Variants in HP1BP3 observed in about 807,000 individuals in gnomAD.
The protein encoded by HP1BP3 is heterochromatin protein 1-binding protein 3.
A neutral mutation model predicts 62.5 loss-of-function variants in HP1BP3; 12 were observed. The observed-to-expected ratio is 0.19, with a 90% CI of 0.12 to 0.31. The LOEUF (loss-of-function observed/expected upper bound fraction) is 0.31. Ranked by LOEUF, HP1BP3 falls within the 10% of genes least tolerant of loss-of-function variation. The pLI, the probability that HP1BP3 is intolerant of heterozygous loss-of-function variation, is 1.00. For synonymous variants in HP1BP3, 260 were observed against 237.8 expected, an observed-to-expected ratio of 1.09 and a Z score of -0.86; for missense variants, 502 against 651.8, an observed-to-expected ratio of 0.77 and a Z score of 2.50.
intron 11 of HP1BP3, 84 bp from the exon 12 acceptor site, chr1:20,745,740 A>G: frequency 7.1e-7 from 1 of 1,399,148 alleles, no homozygotes. Flanking sequence ...TTACCTGGAC[A>G]TATCCCACTT....
intron 2 of HP1BP3, 28 bp downstream of exon 2, chr1:20,780,317 T>G: frequency 8.4e-5 from 128 of 1,518,632 alleles, no homozygotes; most frequent in Middle Eastern, 1.7e-4. Flanking sequence ...GATCCAAGAG[T>G]GAGCTTCAAG....
At chr1:20,765,991 C>T (rs1347329306) in intron 7 of HP1BP3, among the ~76,000 whole-genome samples, 1 of 147,574 alleles carries the variant, frequency 6.8e-6, no homozygotes, top group Non-Finnish European at 1.5e-5. Context: ...AAAAAAAACA[C>T]AACAAAACAA....
In HP1BP3 at chr1:20,780,488, G is replaced by T; in HGVS notation, c.-48C>A. The T allele has an allele frequency of 7.6e-7, 1 of 1,314,364 alleles. No homozygotes were observed. Among genetic ancestry groups the T allele is most frequent in the Non-Finnish European group, 1.1e-6 (1 of 907,910 alleles). The allele number at this position is 1,314,364 out of a possible 1,614,324, so 81.4% of individuals were successfully genotyped here. ...GTACAGGTTACACTCTGAAGCCTCT[G>T]CTGTTAACCACAAGGATTTTTCCTA... On this transcript the variant is annotated 5_prime_UTR_variant, in exon 2 of 13. Transcript: ENST00000438032.
chr1:20,767,737 T>C, intron 6 of HP1BP3, 73 bp from the exon 7 acceptor site: 1 of 902,738 alleles, frequency 1.1e-6, no homozygotes, highest in Non-Finnish European at 1.7e-6. Flanking sequence ...CAGGCCATGG[T>C]AATGCAAGAG....
intron 9 of HP1BP3, chr1:20,755,393 G>A (rs761030111): frequency 1.1e-4 from 48 of 453,430 alleles, no homozygotes; most frequent in East Asian, 7.0e-4. Flanking sequence ...GCAACACGGC[G>A]AAACCCCATT....
intron 6 of HP1BP3, among the ~76,000 whole-genome samples, chr1:20,768,217 C>T (rs1039383970): frequency 6.6e-5 from 10 of 151,874 alleles, no homozygotes; most frequent in African/African-American, 2.2e-4. Flanking sequence ...GAGGCCGAGG[C>T]GGGCGAATCA....
At chr1:20,746,186 A>ATGTGTGTGTGTGTGTGTGTGTGTG (rs35710978) in intron 11 of HP1BP3, among the ~76,000 whole-genome samples, 4 of 143,148 alleles carry the variant, frequency 2.8e-5, no homozygotes, top group African/African-American at 1.1e-4. Context: ...ACATACATAT[A>ATGTGTGTGTGTGTGTGTGTGTGTG]TGTGTGTGTG....
intron 11 of HP1BP3, 151 bp downstream of exon 11, chr1:20,747,393 T>C (rs1227834039): frequency 1.6e-5 from 9 of 563,442 alleles, no homozygotes; most frequent in East Asian, 3.1e-5. Flanking sequence ...CATTTGGGTA[T>C]GCGGGCAGTT....
At chr1:20,765,309 T>C (rs2056726384) in intron 8 of HP1BP3, 68 bp downstream of exon 8, 1 of 1,059,396 alleles carries the variant, frequency 9.4e-7, no homozygotes, top group East Asian at 2.7e-5. Flanking sequence ...ATCTATCTCT[T>C]TTCCCATGAA....
chr1:20,766,495 T>C (rs1259923288), intron 7 of HP1BP3, among the ~76,000 whole-genome samples: 1 of 152,168 alleles, frequency 6.6e-6, no homozygotes, highest in Non-Finnish European at 1.5e-5. Flanking sequence ...ATTTCTGATA[T>C]AAATGAGTAC....
intron 9 of HP1BP3, among the ~76,000 whole-genome samples, chr1:20,755,598 C>T (rs1015022049): frequency 7.2e-5 from 11 of 151,922 alleles, no homozygotes; most frequent in African/African-American, 2.7e-4. Context: ...ACGACTTGAG[C>T]CCTTATAAAC....
chr1:20,775,460 G>C (rs1483833543), intron 4 of HP1BP3: 1 of 152,050 alleles, frequency 6.6e-6, no homozygotes, highest in African/African-American at 2.4e-5. Context: ...TTGTGTCTTT[G>C]TTTTTGGTAA....
intron 11 of HP1BP3, among the ~76,000 whole-genome samples, chr1:20,746,876 T>C (rs533753004): frequency 1.2e-4 from 19 of 152,148 alleles, no homozygotes; most frequent in African/African-American, 4.6e-4. Flanking sequence ...ATTAGCTGGG[T>C]GTGGTGGCGC....
At chr1:20,751,369 A>G (rs2154539790) in intron 9 of HP1BP3, among the ~76,000 whole-genome samples, 1 of 152,104 alleles carries the variant, frequency 6.6e-6, no homozygotes, top group South Asian at 2.1e-4. Flanking sequence ...CTGTAGTTAT[A>G]AAAAATAATA....
intron 7 of HP1BP3, 33 bp from the exon 8 acceptor site, chr1:20,765,564 A>G (rs759681369): frequency 1.0e-4 from 156 of 1,565,496 alleles, no homozygotes; most frequent in Non-Finnish European, 1.3e-4. Flanking sequence ...TATGATCATT[A>G]TAGAACGTAA....
At chr1:20,763,975 A>G (rs2056629100) in intron 8 of HP1BP3, among the ~76,000 whole-genome samples, 1 of 151,904 alleles carries the variant, frequency 6.6e-6, no homozygotes, top group Non-Finnish European at 1.5e-5. Context: ...TACAGGCGTG[A>G]GCCACCGTGC....
At position 20,744,702 on chromosome 1, in the gene HP1BP3, T is replaced by C; in HGVS notation, c.*95A>G. 3.4e-6 allele frequency: 4 copies of C among 1,172,988 alleles called. No homozygotes were observed. Among genetic ancestry groups the C allele is most frequent in the Non-Finnish European group, 4.8e-6 (4 of 835,716 alleles). The allele number at this position is 1,172,988 out of a possible 1,614,324, so 72.7% of individuals were successfully genotyped here. A position where few individuals can be genotyped will look rare whatever the true frequency, so the allele number is the denominator to read the frequency against. ...CAATGTTCATAGGGGAGGAAAATAA[T>C]GTAATTTGAAAAGCATCAAAACTAA... is the stretch of plus-strand genomic sequence containing the variant. On this transcript the variant is annotated 3_prime_UTR_variant, in exon 13 of 13. Coordinates refer to ENST00000438032, the MANE Select transcript of HP1BP3 (RefSeq NM_001372052.1).
At position 20,740,608 on chromosome 1, in the gene HP1BP3, G is replaced by A. The variant is rs2055055752; in HGVS notation, c.*4189C>T. Among the ~76,000 whole-genome samples, 1 of 152,308 alleles carries A rather than the reference G, an allele frequency of 6.6e-6. No homozygotes were observed. The highest frequency in any genetic ancestry group is 2.1e-4 in the South Asian group (1 of 4,826). On this transcript the variant is annotated 3_prime_UTR_variant, in exon 13 of 13. Coordinates refer to ENST00000438032, the MANE Select transcript of HP1BP3 (RefSeq NM_001372052.1). The stretch of plus-strand genomic sequence containing the variant: ...AGCCCAGGTGGGAAGATCACGTGAG[G>A]CCACGAGTTCAAGACCAGCCTGGGC...
Position 20,746,461 on chromosome 1 carries a change from G to C in HP1BP3, c.1254-805C>G, listed in dbSNP as rs562483314. Among the ~76,000 whole-genome samples the C allele has an allele frequency of 5.9e-5, 9 of 152,162 alleles. No individual in the cohort carries two copies. The South Asian group carries it at 1.9e-3, about 32-fold the overall frequency. ...ATTAAGCCAAGTAACACTTATGTTT[G>C]TACAGAAATAATAATATAAGAAAGT... On this transcript the variant is annotated intron_variant, in intron 11 of 12. Transcript: ENST00000438032.
Sources: gnomAD v4.1 joint callset for allele counts (sites outside exome capture counted in the v4.1 genomes callset) on GRCh38, gnomAD v4.1.1 for gene constraint, MANE v1.5 for transcripts, NCBI Gene and HGNC (gene_info 2026-07-23, HGNC 2026-07-21) for gene names.